The following ANTXR2 variants were observed in gnomAD, a reference collection of about 807,000 sequenced individuals.
ANTXR2 encodes anthrax toxin receptor 2.
ANTXR2 carries 44 observed loss-of-function variants against 73.7 expected under a neutral mutation model. The observed-to-expected ratio is 0.60, with a 90% confidence interval of 0.47 to 0.77. ANTXR2 has a LOEUF of 0.77. Ranked by LOEUF, ANTXR2 falls within the 30% of genes least tolerant of loss-of-function variation. The pLI is 0.00. For synonymous variants in ANTXR2, 217 were observed against 205.9 expected (o/e 1.05, Z -0.46); for missense variants, 604 against 592.5 (o/e 1.02, Z -0.20).
intron 16 of ANTXR2, among the ~76,000 whole-genome samples, chr4:79,927,632 T>C (rs1381293006): frequency 6.6e-6 from 1 of 152,220 alleles, no homozygotes; most frequent in South Asian, 2.1e-4. Context: ...ATTTGGTTGA[T>C]TGAATCTGAG....
chr4:80,008,634 C>T lies in ANTXR2; in HGVS notation c.946-18G>A. On this transcript the variant is annotated intron_variant, in intron 11 of 16. Coordinates refer to ENST00000403729, the MANE Select transcript of ANTXR2 (RefSeq NM_058172.6). ...CCGTTAGACTAAAGTAGGCAAAAAGCAAAAACAAAGCAGTCAGCACAGCTT... is the reference window on the plus strand; with the variant it reads ...CCGTTAGACTAAAGTAGGCAAAAAGTAAAAACAAAGCAGTCAGCACAGCTT... The T allele has an allele frequency of 1.9e-6, 3 of 1,550,554 alleles. No individual in the cohort carries two copies. The highest frequency in any genetic ancestry group is 2.6e-6 in the Non-Finnish European group (3 of 1,142,906).
At chr4:80,002,838 A>T (rs1482372998) in intron 12 of ANTXR2, among the ~76,000 whole-genome samples, 1 of 151,386 alleles carries the variant, frequency 6.6e-6, no homozygotes, top group African/African-American at 2.4e-5. Flanking sequence ...CATCAGAGAA[A>T]TGCAAATCAA....
intron 10 of ANTXR2, among the ~76,000 whole-genome samples, chr4:80,024,107 G>C (rs1732304134): frequency 6.6e-6 from 1 of 152,184 alleles, no homozygotes; most frequent in African/African-American, 2.4e-5. Context: ...AACAAAAACT[G>C]AGACATATTA....
chr4:80,042,011 T>C (rs1733290534), intron 7 of ANTXR2, among the ~76,000 whole-genome samples: 1 of 152,144 alleles, frequency 6.6e-6, no homozygotes, highest in Non-Finnish European at 1.5e-5. Flanking sequence ...AAATGTTTAA[T>C]CATTCTATGA....
intron 16 of ANTXR2, among the ~76,000 whole-genome samples, chr4:79,960,116 T>C (rs2109993350): frequency 6.6e-6 from 1 of 152,328 alleles, no homozygotes; most frequent in East Asian, 1.9e-4. Flanking sequence ...TGTCTGTGTG[T>C]ATGTCTCACC....
intron 16 of ANTXR2, among the ~76,000 whole-genome samples, chr4:79,956,511 T>C (rs1728891331): frequency 6.6e-6 from 1 of 152,012 alleles, no homozygotes; most frequent in Non-Finnish European, 1.5e-5. Flanking sequence ...AATTCACCAA[T>C]CATCTCTAGA....
At chr4:79,919,918 TATAAAA>T (rs1560856609) in intron 16 of ANTXR2, among the ~76,000 whole-genome samples, 46 of 15,578 alleles carry the variant, frequency 3.0e-3, no homozygotes, top group African/African-American at 0.014. Flanking sequence ...TATATATATA[TATAAAA>T]AATGATAGGG....
At chr4:80,019,381 A>G (rs1390702377) in intron 10 of ANTXR2, among the ~76,000 whole-genome samples, 2 of 152,224 alleles carry the variant, frequency 1.3e-5, no homozygotes, top group Non-Finnish European at 2.9e-5. Flanking sequence ...AAAAAAGGAA[A>G]GAGTAAGAGT....
At chr4:80,015,289 C>G (rs1731785103) in intron 11 of ANTXR2, among the ~76,000 whole-genome samples, 1 of 152,156 alleles carries the variant, frequency 6.6e-6, no homozygotes, top group Non-Finnish European at 1.5e-5. Flanking sequence ...TTCTTCCAGC[C>G]CATGAGATTC....
At chr4:80,047,376 A>G (rs1733568349) in intron 7 of ANTXR2, among the ~76,000 whole-genome samples, 1 of 151,810 alleles carries the variant, frequency 6.6e-6, no homozygotes, top group African/African-American at 2.4e-5. Flanking sequence ...TCTTCTTAGA[A>G]TATATGTCAA....
intron 10 of ANTXR2, among the ~76,000 whole-genome samples, chr4:80,027,856 A>T (rs1280428869): frequency 6.6e-6 from 1 of 152,150 alleles, no homozygotes; most frequent in Non-Finnish European, 1.5e-5. Flanking sequence ...CACGTTGCAA[A>T]TACTTGTAAT....
intron 16 of ANTXR2, among the ~76,000 whole-genome samples, chr4:79,909,981 G>A (rs1727061412): frequency 6.6e-6 from 1 of 152,142 alleles, no homozygotes; most frequent in South Asian, 2.1e-4. Context: ...TAAAAGGAAA[G>A]ATAACAGTGG....
chr4:80,067,577 G>A (rs1194453136), intron 3 of ANTXR2, among the ~76,000 whole-genome samples: 1 of 152,180 alleles, frequency 6.6e-6, no homozygotes, highest in African/African-American at 2.4e-5. Flanking sequence ...TGGAAATTAA[G>A]CTGGGCAATG....
At position 79,977,714 on chromosome 4, in the gene ANTXR2, G is replaced by A. The variant is rs985540654; in HGVS notation, c.1348-13C>T. ...CATCAAGACGACCCTAAGGGAAAAT[G>A]AGATTTGTGAATTCCCAGAGAATGT... On this transcript the variant is annotated splice_polypyrimidine_tract_variant and intron_variant, in intron 15 of 16. Transcript: ENST00000403729. 2 of 1,560,956 alleles carry A rather than the reference G, an allele frequency of 1.3e-6. No individual in the cohort carries two copies. The highest frequency in any genetic ancestry group is 8.7e-7 in the Non-Finnish European group (1 of 1,152,274).
intron 12 of ANTXR2, among the ~76,000 whole-genome samples, chr4:79,997,455 C>T (rs1458005183): frequency 1.3e-5 from 2 of 151,818 alleles, no homozygotes; most frequent in East Asian, 1.9e-4. Flanking sequence ...TTTCATTCTC[C>T]CTTTTCTTTT....
At chr4:79,927,064 T>TAC (rs1727842298) in intron 16 of ANTXR2, among the ~76,000 whole-genome samples, 1 of 91,110 alleles carries the variant, frequency 1.1e-5, no homozygotes, top group Non-Finnish European at 2.3e-5. Context: ...TGTGTGTGTA[T>TAC]ATATATATAT....
chr4:80,029,885 G>T (rs1458330826), intron 10 of ANTXR2, among the ~76,000 whole-genome samples: 1 of 151,810 alleles, frequency 6.6e-6, no homozygotes, highest in Admixed American at 6.6e-5. Flanking sequence ...GCAAATAGAA[G>T]ATGAAGTCTG....
Position 80,039,626 on chromosome 4 carries a change from G to A in ANTXR2, c.637-3594C>T, listed in dbSNP as rs576139677. Among the ~76,000 whole-genome samples, 136 of 152,074 alleles carry A rather than the reference G, an allele frequency of 8.9e-4. 1 individual carries two copies. Among genetic ancestry groups the A allele is most frequent in the African/African-American group, 2.4e-3 (99 of 41,504 alleles). Reference sequence around the variant, plus strand: ...TCAGAATGGCTATTATTAAAAAGTCGAAAACCAACAAATGCTGGTGAGGTT... The same window carrying A: ...TCAGAATGGCTATTATTAAAAAGTCAAAAACCAACAAATGCTGGTGAGGTT... On this transcript the variant is annotated intron_variant, in intron 7 of 16. Coordinates refer to ENST00000403729, the MANE Select transcript of ANTXR2 (RefSeq NM_058172.6).
intron 12 of ANTXR2, among the ~76,000 whole-genome samples, chr4:79,998,041 A>G (rs929712563): frequency 4.6e-5 from 7 of 151,998 alleles, no homozygotes; most frequent in African/African-American, 1.7e-4. Flanking sequence ...AAGTACCTCA[A>G]TAAAGGTACC....
Sources: allele counts gnomAD v4.1 joint callset (sites outside exome capture counted in the v4.1 genomes callset), GRCh38; gene constraint gnomAD v4.1.1; transcripts MANE v1.5; gene names NCBI Gene and HGNC (gene_info 2026-07-23, HGNC 2026-07-21).